CSMD1: variants seen among roughly 807,000 people sequenced by gnomAD.
CSMD1 encodes the protein CUB and sushi domain-containing protein 1.
In CSMD1, 213 loss-of-function variants were observed where a neutral mutation model predicts 417.5. The ratio of observed to expected loss-of-function variants is 0.51; its 90% CI spans 0.46 to 0.57. The LOEUF is 0.57. Ranked by LOEUF, CSMD1 falls within the 20% of genes least tolerant of loss-of-function variation. The probability of loss-of-function intolerance (pLI) is 0.00; values close to 1 mark genes in which losing one functional copy is unlikely to be tolerated. For synonymous variants in CSMD1, 2,862 were observed against 1,736.8 expected (o/e 1.65, Z -16.11); for missense variants, 6,923 against 4,529.7 (o/e 1.53, Z -15.17).
chr8:4,123,826 G>C (rs771098787), intron 3 of CSMD1, among the ~76,000 whole-genome samples: 3 of 152,070 alleles, frequency 2.0e-5, no homozygotes, highest in Non-Finnish European at 2.9e-5. Flanking sequence ...TTCAAGTGAG[G>C]ACCTATAGAG....
At chr8:3,071,210 G>T (rs919457627) in intron 49 of CSMD1, among the ~76,000 whole-genome samples, 2 of 152,200 alleles carry the variant, frequency 1.3e-5, no homozygotes, top group African/African-American at 4.8e-5. Flanking sequence ...TTCAACATGA[G>T]ATTTGGCCAG....
intron 1 of CSMD1, among the ~76,000 whole-genome samples, chr8:4,707,366 C>A (rs1313701055): frequency 6.6e-6 from 1 of 152,096 alleles, no homozygotes; most frequent in Non-Finnish European, 1.5e-5. Context: ...CAAAGAAAAT[C>A]TAGATTTCCA....
At chr8:3,183,477 C>G (rs1308807028) in intron 36 of CSMD1, among the ~76,000 whole-genome samples, 1 of 73,362 alleles carries the variant, frequency 1.4e-5, no homozygotes, top group African/African-American at 6.7e-5. Context: ...TCGAGTAGGT[C>G]TCTAACGTTT....
At chr8:3,554,490 G>C (rs747166188) in intron 10 of CSMD1, among the ~76,000 whole-genome samples, 1 of 152,122 alleles carries the variant, frequency 6.6e-6, no homozygotes, top group African/African-American at 2.4e-5. Flanking sequence ...AGGGAGGGTG[G>C]AAGGGAAGCA....
intron 2 of CSMD1, among the ~76,000 whole-genome samples, chr8:4,424,372 A>G (rs1187554671): frequency 1.3e-5 from 2 of 151,748 alleles, no homozygotes; most frequent in Non-Finnish European, 2.9e-5. Flanking sequence ...ATTAGAAAAT[A>G]GGCAACAAGC....
At chr8:3,879,391 C>T (rs10089344) in intron 5 of CSMD1, among the ~76,000 whole-genome samples, 57,105 of 152,012 alleles carry the variant, frequency 0.38, 13,339 homozygotes, top group African/African-American at 0.66. Flanking sequence ...TATTCATACA[C>T]TGTAGCACAA....
chr8:4,493,908 G>C (rs895198987), intron 2 of CSMD1, among the ~76,000 whole-genome samples: 1 of 152,104 alleles, frequency 6.6e-6, no homozygotes, highest in African/African-American at 2.4e-5. Context: ...TAAAATGATA[G>C]ACACTAACAA....
chr8:4,499,340 A>G (rs1165318492), intron 2 of CSMD1, among the ~76,000 whole-genome samples: 5 of 152,164 alleles, frequency 3.3e-5, no homozygotes, highest in African/African-American at 1.2e-4. Context: ...CCATATGGGG[A>G]AGTGTGAGCT....
At chr8:4,111,333 G>A (rs538699488) in intron 3 of CSMD1, among the ~76,000 whole-genome samples, 8 of 152,088 alleles carry the variant, frequency 5.3e-5, no homozygotes, top group South Asian at 4.2e-4. Context: ...CTGCTGTTAC[G>A]AAAAAAGACC....
At chr8:4,717,271 A>C (rs1250690754) in intron 1 of CSMD1, among the ~76,000 whole-genome samples, 1 of 149,374 alleles carries the variant, frequency 6.7e-6, no homozygotes, top group Admixed American at 6.7e-5. Context: ...AGGGCCTCAA[A>C]GAAGCATCTC....
chr8:3,410,167 C>T (rs537840363), intron 12 of CSMD1, among the ~76,000 whole-genome samples: 2 of 152,164 alleles, frequency 1.3e-5, no homozygotes, highest in Admixed American at 6.5e-5. Context: ...ATAACATATG[C>T]GTCCAAATAC....
intron 26 of CSMD1, among the ~76,000 whole-genome samples, chr8:3,241,447 A>G (rs1475732232): frequency 1.3e-5 from 2 of 152,156 alleles, no homozygotes; most frequent in Non-Finnish European, 2.9e-5. Flanking sequence ...GTTGGTCTAC[A>G]GGGCTTCCGA....
intron 3 of CSMD1, among the ~76,000 whole-genome samples, chr8:4,315,100 C>T (rs895706705): frequency 6.6e-6 from 1 of 152,136 alleles, no homozygotes; most frequent in African/African-American, 2.4e-5. Context: ...GGGAAGAGGA[C>T]AGGGCTTCTT....
intron 3 of CSMD1, among the ~76,000 whole-genome samples, chr8:4,309,009 T>C (rs1798410486): frequency 6.6e-6 from 1 of 152,286 alleles, no homozygotes; most frequent in Admixed American, 6.5e-5. Context: ...GGTGAGAAAA[T>C]GCATAACAGC....
At chr8:3,839,937 T>C (rs1051768018) in intron 5 of CSMD1, among the ~76,000 whole-genome samples, 2 of 152,044 alleles carry the variant, frequency 1.3e-5, no homozygotes, top group South Asian at 4.1e-4. Context: ...GCAGTGATCT[T>C]CTGCTCTGGA....
intron 3 of CSMD1, among the ~76,000 whole-genome samples, chr8:4,284,013 A>G (rs1356526309): frequency 1.3e-5 from 2 of 152,074 alleles, no homozygotes; most frequent in African/African-American, 4.8e-5. Context: ...AAGGTGAATC[A>G]CTTGAGGTCA....
At chr8:4,874,164 A>G (rs1240852062) in intron 1 of CSMD1, among the ~76,000 whole-genome samples, 1 of 152,102 alleles carries the variant, frequency 6.6e-6, no homozygotes, top group East Asian at 1.9e-4. Context: ...ATAGCTTTAT[A>G]CTTGCATCAT....
chr8:4,817,019 C>T (rs556718060), intron 1 of CSMD1, among the ~76,000 whole-genome samples: 50 of 152,226 alleles, frequency 3.3e-4, no homozygotes, highest in African/African-American at 1.2e-3. Flanking sequence ...CTCAGAGGCT[C>T]CTGGCAGGGA....
chr8:4,264,703 A>G (rs1453577981), intron 3 of CSMD1, among the ~76,000 whole-genome samples: 1 of 152,160 alleles, frequency 6.6e-6, no homozygotes, highest in Non-Finnish European at 1.5e-5. Flanking sequence ...CAGGGCCTTA[A>G]AACAAACACT....
Sources: allele counts gnomAD v4.1 joint callset (sites outside exome capture counted in the v4.1 genomes callset), GRCh38; gene constraint gnomAD v4.1.1; transcripts MANE v1.5; gene names NCBI Gene and HGNC (gene_info 2026-07-23, HGNC 2026-07-21).